Variants in FRMPD1 observed in about 807,000 individuals in gnomAD.
FRMPD1 encodes the protein FERM and PDZ domain containing 1.
FRMPD1 carries 76 observed loss-of-function variants against 117.8 expected under a neutral mutation model. That is an observed-to-expected ratio of 0.65 (90% confidence interval 0.54 to 0.78). FRMPD1 has a LOEUF of 0.78. FRMPD1 is among the 30% of genes least tolerant of loss of function. The probability of loss-of-function intolerance (pLI) is 0.00; values close to 1 mark genes in which losing one functional copy is unlikely to be tolerated. For synonymous variants in FRMPD1, 783 were observed against 770.4 expected (o/e 1.02, Z -0.27); for missense variants, 1,786 against 1,964.5 (o/e 0.91, Z 1.72).
chr9:37,724,924 C>T (rs1823556779), intron 7 of FRMPD1, among the ~76,000 whole-genome samples: 1 of 152,172 alleles, frequency 6.6e-6, no homozygotes, highest in South Asian at 2.1e-4. Flanking sequence ...CCATCTCTTC[C>T]AGCCTGTCCA....
At chr9:37,645,409 C>A in the FRMPD1 span, among the ~76,000 whole-genome samples, 896 of 152,012 alleles carry the variant, frequency 5.9e-3, 7 homozygotes, top group African/African-American at 0.02. Flanking sequence ...GCAGAGAATG[C>A]GATTAGGAAC....
the FRMPD1 span, among the ~76,000 whole-genome samples, chr9:37,630,851 T>C: frequency 6.6e-6 from 1 of 152,226 alleles, no homozygotes; most frequent in Non-Finnish European, 1.5e-5. Flanking sequence ...TGTTATTCAG[T>C]GCAGGGATGA....
At chr9:37,659,673 A>C (rs774186383) in intron 1 of FRMPD1, among the ~76,000 whole-genome samples, 5 of 152,122 alleles carry the variant, frequency 3.3e-5, no homozygotes, top group African/African-American at 1.2e-4. Context: ...GAGGGAAATT[A>C]TATTCTCAGT....
chr9:37,622,373 G>C, the FRMPD1 span, among the ~76,000 whole-genome samples: 1 of 152,216 alleles, frequency 6.6e-6, no homozygotes, highest in Admixed American at 6.5e-5. Flanking sequence ...TACACACACA[G>C]ATGCTTCTCC....
chr9:37,740,577 TGGCTG>T lies in FRMPD1; in HGVS notation c.2053_2057del (p.Trp685ThrfsTer14). On this transcript the variant is annotated frameshift_variant, in exon 15 of 16. Coordinates refer to ENST00000377765, the MANE Select transcript of FRMPD1 (RefSeq NM_014907.3). LOFTEE classifies it high-confidence loss of function. This position sits in a 1 kb window ranked among gnomAD's most constrained non-coding sequence, Gnocchi z 4.2. ...CCGAGAGTGCTGCTTTGGAGACATT[TGGCTG>T]GGCACCAGAACTGAGCACAGTCAGG... The T allele has an allele frequency of 6.2e-7, 1 of 1,614,220 alleles. No homozygotes were observed. Among genetic ancestry groups the T allele is most frequent in the Non-Finnish European group, 8.5e-7 (1 of 1,180,034 alleles).
chr9:37,634,846 C>A, the FRMPD1 span, among the ~76,000 whole-genome samples: 417 of 151,794 alleles, frequency 2.7e-3, 3 homozygotes, highest in East Asian at 0.044. Flanking sequence ...TGGTTTGCTG[C>A]ACCTATTGAC....
chr9:37,613,534 A>G, the FRMPD1 span, among the ~76,000 whole-genome samples: 1 of 152,226 alleles, frequency 6.6e-6, no homozygotes, highest in Non-Finnish European at 1.5e-5. Context: ...TAAAGGGGTT[A>G]GTCTGCCTGG....
intron 1 of FRMPD1, among the ~76,000 whole-genome samples, chr9:37,687,498 T>A (rs2117988712): frequency 6.6e-6 from 1 of 152,320 alleles, no homozygotes; most frequent in South Asian, 2.1e-4. Context: ...ACGGACTCGA[T>A]CCTAGAGGGG....
intron 5 of FRMPD1, among the ~76,000 whole-genome samples, chr9:37,717,801 T>C (rs545007409): frequency 6.6e-6 from 1 of 152,332 alleles, no homozygotes; most frequent in South Asian, 2.1e-4. Context: ...TTCCATTCTC[T>C]GTTCCGTGGA....
chr9:37,737,289 G>A, intron 14 of FRMPD1, 46 bp downstream of exon 14: 4 of 1,586,294 alleles, frequency 2.5e-6, no homozygotes, highest in Non-Finnish European at 3.5e-6. Flanking sequence ...CCCTTTCACT[G>A]GCCTTGTAGG....
At chr9:37,722,877 A>G (rs1281221622) in intron 6 of FRMPD1, among the ~76,000 whole-genome samples, 1 of 152,042 alleles carries the variant, frequency 6.6e-6, no homozygotes, top group Non-Finnish European at 1.5e-5. Context: ...TGCTGCACCT[A>G]TTAACTCGTC....
At chr9:37,637,980 C>CTT in the FRMPD1 span, among the ~76,000 whole-genome samples, 2 of 114,778 alleles carry the variant, frequency 1.7e-5, no homozygotes, top group Non-Finnish European at 3.7e-5. Flanking sequence ...TTCTTTCTTT[C>CTT]TTTCTTTCTT....
the FRMPD1 span, chr9:37,636,950 T>C: frequency 6.8e-5 from 109 of 1,603,396 alleles, no homozygotes; most frequent in East Asian, 1.4e-3. Flanking sequence ...CAGGAGCTTA[T>C]TGACGTTCTC....
intron 6 of FRMPD1, among the ~76,000 whole-genome samples, chr9:37,720,819 G>A (rs954783113): frequency 3.9e-5 from 6 of 152,252 alleles, no homozygotes; most frequent in South Asian, 2.1e-4. Context: ...CCCGGGAGGC[G>A]GAGGTTGCAG....
At chr9:37,631,699 G>T in the FRMPD1 span, among the ~76,000 whole-genome samples, 1 of 152,146 alleles carries the variant, frequency 6.6e-6, no homozygotes, top group Non-Finnish European at 1.5e-5. Context: ...GACCTCCTGG[G>T]CTCAAGCAAT....
intron 1 of FRMPD1, among the ~76,000 whole-genome samples, chr9:37,684,486 T>A (rs1821851765): frequency 6.6e-6 from 1 of 152,162 alleles, no homozygotes; most frequent in Non-Finnish European, 1.5e-5. Context: ...GGGGAACCAC[T>A]GGGGGATTTT....
chr9:37,738,805 G>T (rs1824250620), intron 14 of FRMPD1, among the ~76,000 whole-genome samples: 1 of 152,132 alleles, frequency 6.6e-6, no homozygotes, highest in African/African-American at 2.4e-5. Context: ...ATTGGAAATA[G>T]ATCTTGAAGA....
the FRMPD1 span, among the ~76,000 whole-genome samples, chr9:37,620,922 T>A: frequency 6.6e-6 from 1 of 152,222 alleles, no homozygotes; most frequent in Non-Finnish European, 1.5e-5. Context: ...AAAAAAGTGC[T>A]AGGCTCATAA....
chr9:37,612,612 G>A, the FRMPD1 span, among the ~76,000 whole-genome samples: 1 of 150,528 alleles, frequency 6.6e-6, no homozygotes, highest in Admixed American at 6.7e-5. Flanking sequence ...TCTGCCTCCC[G>A]GGTTCAAGCG....
Sources: gnomAD v4.1 joint callset for allele counts (sites outside exome capture counted in the v4.1 genomes callset) on GRCh38, gnomAD v4.1.1 for gene constraint, Gnocchi (gnomAD v3.1) non-coding constraint, MANE v1.5 for transcripts, NCBI Gene and HGNC (gene_info 2026-07-23, HGNC 2026-07-21) for gene names.